Variants in PRPF18 observed in about 807,000 individuals in gnomAD.
PRPF18 encodes the protein pre-mRNA-splicing factor 18.
A neutral mutation model predicts 46.5 loss-of-function variants in PRPF18; 38 were observed. The observed-to-expected ratio is 0.82, with a 90% CI of 0.63 to 1.07. The LOEUF (loss-of-function observed/expected upper bound fraction) is 1.07. Among genes scored for constraint, PRPF18 ranks in the 50% least tolerant of loss-of-function variants. The probability of loss-of-function intolerance (pLI) is 0.00; values close to 1 mark genes in which losing one functional copy is unlikely to be tolerated. For synonymous variants in PRPF18, 152 were observed against 146.7 expected (o/e 1.04, Z -0.26); for missense variants, 263 against 410.0 (o/e 0.64, Z 3.10).
chr10:13,597,296 G>C (rs1042835188), intron 1 of PRPF18, among the ~76,000 whole-genome samples, 162 bp from the exon 2 acceptor site: 6 of 152,038 alleles, frequency 3.9e-5, no homozygotes, highest in Non-Finnish European at 7.4e-5. Flanking sequence ...GATGTGCTTG[G>C]GGAATCAATG....
At chr10:13,618,662 A>C (rs956086463) in intron 9 of PRPF18, among the ~76,000 whole-genome samples, 5 of 151,672 alleles carry the variant, frequency 3.3e-5, no homozygotes, top group Non-Finnish European at 7.4e-5. Context: ...AGTGGACTAA[A>C]TTTAGTGTAA....
downstream of PRPF18, among the ~76,000 whole-genome samples, chr10:13,634,653 A>G (rs1261373480): frequency 6.6e-6 from 1 of 152,222 alleles, no homozygotes; most frequent in South Asian, 2.1e-4. Flanking sequence ...GTAGAATTTG[A>G]AACTTTTGGA....
intron 2 of PRPF18, 91 bp from the exon 3 acceptor site, chr10:13,600,153 C>A: frequency 2.0e-6 from 2 of 1,010,966 alleles, no homozygotes; most frequent in South Asian, 1.7e-5. Context: ...GTGTTGAAAA[C>A]ATGTTTAACT....
intron 2 of PRPF18, among the ~76,000 whole-genome samples, chr10:13,599,159 A>G (rs2080072859): frequency 6.6e-6 from 1 of 152,196 alleles, no homozygotes; most frequent in Non-Finnish European, 1.5e-5. Context: ...CCTTCTTGGT[A>G]GTAATGACAT....
intron 1 of PRPF18, among the ~76,000 whole-genome samples, chr10:13,595,199 A>C (rs908414484): frequency 2.0e-5 from 3 of 152,158 alleles, no homozygotes; most frequent in African/African-American, 7.2e-5. Context: ...AAAACGGGGC[A>C]CATAATGTCT....
the PRPF18 span, chr10:13,652,751 A>C: frequency 6.6e-6 from 1 of 152,260 alleles, no homozygotes; most frequent in Admixed American, 6.5e-5. Flanking sequence ...AGTGGTTGTC[A>C]AAACTTGAGT....
At position 13,614,163 on chromosome 10, in the gene PRPF18, T is replaced by C. The variant is rs557986877; in HGVS notation, c.792+77T>C. On this transcript the variant is annotated intron_variant, in intron 8 of 9. Coordinates refer to ENST00000378572, the MANE Select transcript of PRPF18 (RefSeq NM_003675.4). ...TACGTAATATAATGTTCATTTGGGA[T>C]AGGAGGATTTTACATAGTAGATTTA... is the stretch of plus-strand genomic sequence containing the variant. 306 of 1,135,552 alleles carry C rather than the reference T, an allele frequency of 2.7e-4. 1 individual carries two copies. In the African/African-American group the frequency reaches 4.3e-3, roughly 16 times the overall value. 70.3% of individuals were successfully genotyped at this position (1,135,552 alleles called of 1,614,324 possible). A position where few individuals can be genotyped will look rare whatever the true frequency, so the allele number is the denominator to read the frequency against.
At chr10:13,592,407 C>A in intron 1 of PRPF18, 1 of 218,336 alleles carries the variant, frequency 4.6e-6, no homozygotes, top group Non-Finnish European at 9.1e-6. Context: ...TTGTCATTAC[C>A]GCATCTGTAG....
intron 9 of PRPF18, among the ~76,000 whole-genome samples, chr10:13,622,219 G>C (rs944317559): frequency 3.3e-5 from 5 of 151,988 alleles, no homozygotes; most frequent in African/African-American, 1.2e-4. Context: ...TAATCTTCCT[G>C]GCATATTAAA....
chr10:13,602,634 A>C (rs1285754071), intron 3 of PRPF18, among the ~76,000 whole-genome samples: 2 of 151,778 alleles, frequency 1.3e-5, no homozygotes, highest in Non-Finnish European at 2.9e-5. Context: ...AGAAAATGTA[A>C]TTTTCTTTAT....
At chr10:13,651,702 T>G in the PRPF18 span, 1 of 582,210 alleles carries the variant, frequency 1.7e-6, no homozygotes, top group Non-Finnish European at 3.1e-6. Flanking sequence ...GGGTCTTTTC[T>G]GGGAAGCAGT....
At chr10:13,610,247 A>T (rs1289091254) in intron 5 of PRPF18, 62 bp downstream of exon 5, 3 of 1,545,748 alleles carry the variant, frequency 1.9e-6, no homozygotes, top group East Asian at 4.5e-5. Flanking sequence ...GGAGCAGATG[A>T]CTGAGTCGGG....
At chr10:13,627,485 A>C (rs2080525478) in intron 9 of PRPF18, among the ~76,000 whole-genome samples, 1 of 152,224 alleles carries the variant, frequency 6.6e-6, no homozygotes, top group Non-Finnish European at 1.5e-5. Context: ...TCATTGTTTT[A>C]CTGGCTTAAG....
At chr10:13,652,527 A>ATGAG in the PRPF18 span, 4 of 155,898 alleles carry the variant, frequency 2.6e-5, no homozygotes, top group Non-Finnish European at 5.7e-5. Context: ...TCATTCTTTT[A>ATGAG]TGAGTTAATC....
At chr10:13,644,583 G>C in the PRPF18 span, 1 of 152,094 alleles carries the variant, frequency 6.6e-6, no homozygotes, top group Non-Finnish European at 1.5e-5. Flanking sequence ...CTCATTCCTT[G>C]CAACTCCAGT....
the PRPF18 span, chr10:13,654,534 A>C: frequency 6.7e-7 from 1 of 1,498,030 alleles, no homozygotes; most frequent in Non-Finnish European, 9.3e-7. Flanking sequence ...TGGTGCAAGA[A>C]AGGCAGAGAG....
At chr10:13,637,764 T>C in the PRPF18 span, 1 of 152,254 alleles carries the variant, frequency 6.6e-6, no homozygotes. Context: ...TTCTTCCTCT[T>C]GTTTAATGAT....
the PRPF18 span, chr10:13,653,982 C>A: frequency 4.0e-6 from 1 of 250,174 alleles, no homozygotes; most frequent in East Asian, 7.8e-5. Context: ...TTTTCTTGCA[C>A]CCTGAGACAT....
At chr10:13,645,327 A>T in the PRPF18 span, 1 of 150,608 alleles carries the variant, frequency 6.6e-6, no homozygotes, top group South Asian at 2.1e-4. Context: ...CCTTTCCAAT[A>T]GGAAGTCATT....
Sources: gnomAD v4.1 joint callset for allele counts (sites outside exome capture counted in the v4.1 genomes callset) on GRCh38, gnomAD v4.1.1 for gene constraint, MANE v1.5 for transcripts, NCBI Gene and HGNC (gene_info 2026-07-23, HGNC 2026-07-21) for gene names.